SAMD12: variants seen among roughly 807,000 people sequenced by gnomAD.
SAMD12 encodes the protein sterile alpha motif domain containing 12.
In SAMD12, 9 loss-of-function variants were observed where a neutral mutation model predicts 15.0. That is an observed-to-expected ratio of 0.60 (90% CI 0.36 to 1.05). SAMD12 has a LOEUF of 1.05. Ranked by LOEUF, SAMD12 falls within the 50% of genes least tolerant of loss-of-function variation. SAMD12 has a pLI of 0.01. For missense variants in SAMD12, 230 were observed against 234.2 expected (o/e 0.98, Z 0.12); for synonymous variants, 86 against 90.1 (o/e 0.96, Z 0.25).
chr8:118,503,014 A>C (rs1824828455), intron 2 of SAMD12, among the ~76,000 whole-genome samples: 1 of 152,236 alleles, frequency 6.6e-6, no homozygotes, highest in African/African-American at 2.4e-5. Flanking sequence ...CATGCAGAGC[A>C]AAGAATGTCT....
chr8:118,348,517 G>A (rs534050371), intron 4 of SAMD12, among the ~76,000 whole-genome samples: 1 of 151,926 alleles, frequency 6.6e-6, no homozygotes, highest in African/African-American at 2.4e-5. Flanking sequence ...AACTACAGGC[G>A]CCTGCCACCA....
chr8:118,359,572 T>G (rs1462098924), intron 4 of SAMD12, among the ~76,000 whole-genome samples: 1 of 152,164 alleles, frequency 6.6e-6, no homozygotes, highest in Non-Finnish European at 1.5e-5. Context: ...GAACGTAGCA[T>G]GGTATCTAAG....
chr8:118,242,538 T>C (rs1225315971), intron 4 of SAMD12, among the ~76,000 whole-genome samples: 1 of 152,174 alleles, frequency 6.6e-6, no homozygotes, highest in African/African-American at 2.4e-5. Context: ...GTTAATCTTT[T>C]ACTATGCTAA....
the SAMD12 span, among the ~76,000 whole-genome samples, chr8:118,177,240 T>C: frequency 3.8e-5 from 1 of 26,450 alleles, no homozygotes; most frequent in East Asian, 6.4e-4. Flanking sequence ...CCACAGAGAA[T>C]TTTTTTTTTT....
chr8:118,256,823 CACACATTCTTTTTAGCT>C (rs981510832), intron 4 of SAMD12, among the ~76,000 whole-genome samples: 1 of 147,740 alleles, frequency 6.8e-6, no homozygotes, highest in Non-Finnish European at 1.5e-5. Context: ...CACACACACG[CACACATTCTTTTTAGCT>C]ACGGAATTCT....
chr8:118,459,105 G>T (rs996893407), intron 2 of SAMD12, among the ~76,000 whole-genome samples: 3 of 151,596 alleles, frequency 2.0e-5, no homozygotes, highest in Admixed American at 1.3e-4. Flanking sequence ...TCACTCTGTT[G>T]CCCAGGCTGG....
At chr8:118,310,409 T>C (rs964987254) in intron 4 of SAMD12, among the ~76,000 whole-genome samples, 1 of 152,196 alleles carries the variant, frequency 6.6e-6, no homozygotes, top group Non-Finnish European at 1.5e-5. Context: ...TGCAGCTAGA[T>C]TGTAGGTTCA....
chr8:118,360,326 A>G (rs986819358), intron 4 of SAMD12, among the ~76,000 whole-genome samples: 2 of 152,200 alleles, frequency 1.3e-5, no homozygotes, highest in African/African-American at 4.8e-5. Context: ...GGTTAACTCA[A>G]GGGACCAATC....
At chr8:118,327,673 G>A (rs1266747798) in intron 4 of SAMD12, among the ~76,000 whole-genome samples, 2 of 152,146 alleles carry the variant, frequency 1.3e-5, no homozygotes, top group Non-Finnish European at 2.9e-5. Flanking sequence ...ATAATAAAAT[G>A]TTGATTTAAA....
chr8:118,592,362 T>C (rs1827603157), intron 1 of SAMD12, among the ~76,000 whole-genome samples: 1 of 152,154 alleles, frequency 6.6e-6, no homozygotes, highest in Admixed American at 6.5e-5. Context: ...AGTTCCCATG[T>C]TACTCTGGGG....
intron 4 of SAMD12, among the ~76,000 whole-genome samples, chr8:118,273,946 T>C (rs1200745357): frequency 6.6e-6 from 1 of 152,238 alleles, no homozygotes; most frequent in Non-Finnish European, 1.5e-5. Flanking sequence ...ATCCAGTGTC[T>C]ACTTTGTGCC....
At chr8:118,396,121 G>A (rs573801132) in intron 3 of SAMD12, among the ~76,000 whole-genome samples, 25 of 151,964 alleles carry the variant, frequency 1.6e-4, no homozygotes, top group Non-Finnish European at 2.9e-4. Flanking sequence ...GTATTGTTTC[G>A]TGTGAGTAAA....
intron 3 of SAMD12, among the ~76,000 whole-genome samples, chr8:118,418,122 T>A (rs1193606834): frequency 6.6e-6 from 1 of 152,220 alleles, no homozygotes; most frequent in Non-Finnish European, 1.5e-5. Flanking sequence ...ACGATTTTTG[T>A]AAAATTGAGG....
chr8:118,379,068 A>G lies in SAMD12; in HGVS notation c.*349T>C. ...ATATCTAAAATGTTTTTCTCCCACT[A>G]ACCGGTGAAAAGCAAAACAAAAATA... is the stretch of plus-strand genomic sequence containing the variant. On this transcript the variant is annotated 3_prime_UTR_variant, in exon 4 of 4. Transcript: ENST00000314727. The G allele has an allele frequency of 9.6e-7, 1 of 1,037,230 alleles. No homozygotes were observed. The highest frequency in any genetic ancestry group is 1.2e-6 in the Non-Finnish European group (1 of 859,034). 64.3% of individuals were successfully genotyped at this position (1,037,230 alleles called of 1,614,324 possible).
chr8:118,437,485 A>G (rs1822609710), intron 3 of SAMD12, among the ~76,000 whole-genome samples: 1 of 152,208 alleles, frequency 6.6e-6, no homozygotes, highest in Non-Finnish European at 1.5e-5. Flanking sequence ...GCACAATGCC[A>G]ACATGTAAAA....
Position 118,340,677 on chromosome 8 carries a change from G to A in SAMD12, c.433+38883C>T, listed in dbSNP as rs375491884. On this transcript the variant is annotated intron_variant, in intron 4 of 4. Coordinates refer to the SAMD12 transcript ENST00000409003. ...CCAGCTGCTTGGGAGGCTGAGGCAGGAGAATCACTTGAACCCGGGAGGTGG... is the reference window on the plus strand; with the variant it reads ...CCAGCTGCTTGGGAGGCTGAGGCAGAAGAATCACTTGAACCCGGGAGGTGG... 3.3e-5 allele frequency among the ~76,000 whole-genome samples: 5 copies of A among 152,276 alleles called. No individual in the cohort carries two copies. In the East Asian group the frequency reaches 5.8e-4, roughly 18 times the overall value.
At chr8:118,528,128 G>A (rs1825581197) in intron 2 of SAMD12, among the ~76,000 whole-genome samples, 1 of 152,196 alleles carries the variant, frequency 6.6e-6, no homozygotes. Context: ...CCAGGTTCAA[G>A]TGATTCTCCT....
intron 3 of SAMD12, among the ~76,000 whole-genome samples, chr8:118,401,754 A>G (rs1488192874): frequency 6.6e-6 from 1 of 152,184 alleles, no homozygotes; most frequent in Non-Finnish European, 1.5e-5. Flanking sequence ...TTTTAAAGTG[A>G]GTTAAGTCAT....
chr8:118,302,991 T>C (rs1341821663), intron 4 of SAMD12, among the ~76,000 whole-genome samples: 1 of 152,244 alleles, frequency 6.6e-6, no homozygotes, highest in Non-Finnish European at 1.5e-5. Context: ...TATTCACTAA[T>C]ACTAAATGCC....
Sources: allele counts gnomAD v4.1 joint callset (sites outside exome capture counted in the v4.1 genomes callset), GRCh38; gene constraint gnomAD v4.1.1; transcripts MANE v1.5; gene names NCBI Gene and HGNC (gene_info 2026-07-23, HGNC 2026-07-21).